Variants in CFAP97D2 observed in about 807,000 individuals in gnomAD.
CFAP97D2 encodes the protein uncharacterized protein CFAP97D2.
intron 4 of CFAP97D2, among the ~76,000 whole-genome samples, chr13:114,218,997 C>T (rs915903665): frequency 1.3e-5 from 2 of 152,158 alleles, no homozygotes; most frequent in Non-Finnish European, 2.9e-5. Context: ...ACACCAAAAG[C>T]AATGGCAACA....
intron 1 of CFAP97D2, among the ~76,000 whole-genome samples, chr13:114,182,994 T>C (rs117904845): frequency 1.3e-5 from 2 of 152,234 alleles, no homozygotes; most frequent in East Asian, 1.9e-4. Flanking sequence ...GACACTGCCA[T>C]CTCCAGAAAC....
At chr13:114,221,810 A>G (rs2081023675) in intron 4 of CFAP97D2, among the ~76,000 whole-genome samples, 1 of 152,196 alleles carries the variant, frequency 6.6e-6, no homozygotes, top group Admixed American at 6.5e-5. Context: ...TTGGTAGTTC[A>G]TCAAAAAGTT....
intron 3 of CFAP97D2, among the ~76,000 whole-genome samples, chr13:114,201,575 G>C (rs1233533731): frequency 1.3e-5 from 2 of 152,204 alleles, no homozygotes; most frequent in East Asian, 3.8e-4. Flanking sequence ...AGGGCTTCAA[G>C]GGAAGCCATG....
intron 4 of CFAP97D2, among the ~76,000 whole-genome samples, chr13:114,216,578 A>G (rs2138788548): frequency 6.6e-6 from 1 of 152,210 alleles, no homozygotes; most frequent in South Asian, 2.1e-4. Context: ...GCTGAGAATG[A>G]TGGTTTCCAG....
Position 114,179,532 on chromosome 13 carries a change from C to T in CFAP97D2, c.90+112C>T, listed in dbSNP as rs2080825248. On this transcript the variant is annotated intron_variant, in intron 1 of 4. Transcript: ENST00000646158. The surrounding 1 kb of genome is among the most constrained non-coding windows in gnomAD (Gnocchi z 4.8). ...CTGGAGGTGATTTTCTTTTTGGAGA[C>T]AGCATGGTTGAAATGACATTTCCTA... 1 of 396,034 alleles carries T rather than the reference C, an allele frequency of 2.5e-6. No homozygotes were observed. The highest frequency in any genetic ancestry group is 4.4e-6 in the Non-Finnish European group (1 of 224,934). 24.5% of individuals were successfully genotyped at this position (396,034 alleles called of 1,614,324 possible).
chr13:114,186,836 C>T lies in CFAP97D2; in HGVS notation c.90+7416C>T, dbSNP rs947854545. Among the ~76,000 whole-genome samples the T allele has an allele frequency of 6.6e-6, 1 of 152,232 alleles. No homozygotes were observed. Among genetic ancestry groups the T allele is most frequent in the African/African-American group, 2.4e-5 (1 of 41,470 alleles). The stretch of plus-strand genomic sequence containing the variant: ...ACTGGACCCCACACTCACTCACTCA[C>T]ACACCCCTCGCCACTCCACTCCAGT... On this transcript the variant is annotated intron_variant, in intron 1 of 4. Transcript: ENST00000646158. This position sits in a 1 kb window ranked among gnomAD's most constrained non-coding sequence, Gnocchi z 4.3.
intron 3 of CFAP97D2, among the ~76,000 whole-genome samples, chr13:114,206,070 C>T (rs1398973686): frequency 6.6e-6 from 1 of 151,404 alleles, no homozygotes; most frequent in Non-Finnish European, 1.5e-5. Flanking sequence ...ATGCCAGAGA[C>T]ATTTGCCAAA....
intron 3 of CFAP97D2, among the ~76,000 whole-genome samples, chr13:114,205,612 C>T (rs574690485): frequency 4.6e-5 from 7 of 151,932 alleles, no homozygotes; most frequent in East Asian, 3.9e-4. Flanking sequence ...TAGAACAGCT[C>T]GTCCCTTTGG....
At chr13:114,222,541 C>T, downstream of CFAP97D2, 1 of 397,572 alleles carries the variant, frequency 2.5e-6, no homozygotes. This position sits in a 1 kb window ranked among gnomAD's most constrained non-coding sequence, Gnocchi z 4.4. Flanking sequence ...CAAGCCTGGA[C>T]CCTAAAAGAG....
At chr13:114,216,109 C>T (rs1032852986) in intron 4 of CFAP97D2, among the ~76,000 whole-genome samples, 1 of 152,090 alleles carries the variant, frequency 6.6e-6, no homozygotes, top group African/African-American at 2.4e-5. Flanking sequence ...TGAGAGCCTC[C>T]CAGAGCCTCC....
In CFAP97D2 at chr13:114,185,345, G is replaced by A. The variant is rs1278939859; in HGVS notation, c.90+5925G>A. 6.6e-6 allele frequency among the ~76,000 whole-genome samples: 1 copy of A among 152,214 alleles called. No homozygotes were observed. The highest frequency in any genetic ancestry group is 1.5e-5 in the Non-Finnish European group (1 of 68,030). On this transcript the variant is annotated intron_variant, in intron 1 of 4. Coordinates refer to ENST00000646158, the Ensembl canonical transcript of CFAP97D2. The surrounding 1 kb of genome is among the most constrained non-coding windows in gnomAD (Gnocchi z 5.2). ...TGCTGACGGGAGAGCAGTGCAGTTG[G>A]GCACACAGGAGCAGGCAGAGAGGGG... is the stretch of plus-strand genomic sequence containing the variant.
rs536752377 is a variant in CFAP97D2, at chr13:114,207,288, A to G, written c.291-4624A>G. 1.3e-5 allele frequency among the ~76,000 whole-genome samples: 2 copies of G among 152,308 alleles called. No individual in the cohort carries two copies. The highest frequency in any genetic ancestry group is 2.9e-5 in the Non-Finnish European group (2 of 68,016). On this transcript the variant is annotated intron_variant, in intron 3 of 4. Coordinates refer to ENST00000646158, the Ensembl canonical transcript of CFAP97D2. This position sits in a 1 kb window ranked among gnomAD's most constrained non-coding sequence, Gnocchi z 4.9. ...TGCCACCATTGAGGACGCTACTGGG[A>G]TACGGCATGGACAGCGAGGGGAGGG... is the stretch of plus-strand genomic sequence containing the variant.
rs1019351282 is a variant in CFAP97D2, at chr13:114,185,661, T to C, written c.90+6241T>C. Among the ~76,000 whole-genome samples, 1 of 152,196 alleles carries C rather than the reference T, an allele frequency of 6.6e-6. No individual in the cohort carries two copies. Among genetic ancestry groups the C allele is most frequent in the African/African-American group, 2.4e-5 (1 of 41,458 alleles). Reference sequence around the variant, plus strand: ...CCCACTGTTGGCACCAGCTCCGATCTTGGAGAAAAGTTGGGGCCAAGCCCA... The same window carrying C: ...CCCACTGTTGGCACCAGCTCCGATCCTGGAGAAAAGTTGGGGCCAAGCCCA... On this transcript the variant is annotated intron_variant, in intron 1 of 4. Transcript: ENST00000646158. The surrounding 1 kb of genome is among the most constrained non-coding windows in gnomAD (Gnocchi z 5.2).
intron 2 of CFAP97D2, among the ~76,000 whole-genome samples, chr13:114,198,050 C>T (rs1397451660): frequency 6.6e-6 from 1 of 152,104 alleles, no homozygotes; most frequent in African/African-American, 2.4e-5. Flanking sequence ...TGCAGTGGCA[C>T]GATCTCGGCT....
intron 1 of CFAP97D2, among the ~76,000 whole-genome samples, chr13:114,184,310 G>C (rs1171965290): frequency 2.6e-5 from 4 of 152,224 alleles, no homozygotes; most frequent in Non-Finnish European, 5.9e-5. Flanking sequence ...GAAAGGAACA[G>C]AAGAAATATT....
At chr13:114,190,148 A>AG (rs2138755194) in intron 1 of CFAP97D2, among the ~76,000 whole-genome samples, 1 of 152,252 alleles carries the variant, frequency 6.6e-6, no homozygotes, top group East Asian at 1.9e-4. Context: ...TCTTAAAAAA[A>AG]AAAGGAATAT....
downstream of CFAP97D2, chr13:114,222,676 A>C: frequency 6.1e-5 from 24 of 393,156 alleles, no homozygotes; most frequent in East Asian, 3.6e-4. The surrounding 1 kb of genome is among the most constrained non-coding windows in gnomAD (Gnocchi z 4.4). Context: ...CAGCGGTCTC[A>C]GGGCAGTGTG....
At chr13:114,198,153 A>G (rs1399238425) in intron 2 of CFAP97D2, among the ~76,000 whole-genome samples, 1 of 151,862 alleles carries the variant, frequency 6.6e-6, no homozygotes, top group African/African-American at 2.4e-5. Context: ...ACGCCCGGCT[A>G]ATTTTTTGTA....
At chr13:114,183,265 C>T (rs1343264569) in intron 1 of CFAP97D2, among the ~76,000 whole-genome samples, 1 of 152,126 alleles carries the variant, frequency 6.6e-6, no homozygotes, top group Non-Finnish European at 1.5e-5. Context: ...CTCCCGGGTT[C>T]CAGCGATTCT....
Sources: allele counts gnomAD v4.1 joint callset (sites outside exome capture counted in the v4.1 genomes callset), GRCh38; gene constraint gnomAD v4.1.1; non-coding constraint Gnocchi (gnomAD v3.1); transcripts MANE v1.5; gene names NCBI Gene and HGNC (gene_info 2026-07-23, HGNC 2026-07-21).